Variants in TLN2 observed in about 807,000 individuals in gnomAD.
TLN2 encodes the protein talin 2.
Under a neutral mutation model 294.7 loss-of-function variants are expected in TLN2, and 118 were observed. The ratio of observed to expected loss-of-function variants is 0.40; its 90% confidence interval spans 0.34 to 0.47. The LOEUF (loss-of-function observed/expected upper bound fraction) is 0.47, where lower values mean the gene tolerates loss of function less well. Among genes scored for constraint, TLN2 ranks in the 20% least tolerant of loss-of-function variants. TLN2 has a pLI of 0.84. For missense variants in TLN2, 3,083 were observed against 3,282.2 expected (o/e 0.94, Z 1.48); for synonymous variants, 1,431 against 1,304.5 (o/e 1.10, Z -2.09).
intron 3 of TLN2, among the ~76,000 whole-genome samples, chr15:62,622,500 C>T (rs1026065692): frequency 3.9e-5 from 6 of 152,058 alleles, no homozygotes; most frequent in Admixed American, 3.9e-4. Context: ...AAGCACTTGC[C>T]CCTTGATAAT....
At chr15:62,572,366 G>T (rs1167254737) in intron 1 of TLN2, among the ~76,000 whole-genome samples, 1 of 151,948 alleles carries the variant, frequency 6.6e-6, no homozygotes, top group African/African-American at 2.4e-5. Flanking sequence ...TCAGCCTCCT[G>T]AGTAGCTGGG....
intron 2 of TLN2, among the ~76,000 whole-genome samples, chr15:62,598,673 A>G (rs1488023331): frequency 6.6e-6 from 1 of 151,468 alleles, no homozygotes; most frequent in African/African-American, 2.4e-5. Context: ...ATATTTTTGT[A>G]GTTATTTTGG....
chr15:62,475,530 C>G (rs1476236887), intron 1 of TLN2, among the ~76,000 whole-genome samples: 2 of 152,156 alleles, frequency 1.3e-5, no homozygotes, highest in Non-Finnish European at 2.9e-5. Flanking sequence ...TTTGTGGTCT[C>G]CAAGCATTTC....
chr15:62,507,842 G>A (rs1369745747), intron 1 of TLN2, among the ~76,000 whole-genome samples: 3 of 152,230 alleles, frequency 2.0e-5, no homozygotes, highest in African/African-American at 7.2e-5. Flanking sequence ...TGAGGAAGAT[G>A]TATGGGACTC....
chr15:62,526,639 G>C (rs2040756483), intron 1 of TLN2, among the ~76,000 whole-genome samples: 5 of 152,132 alleles, frequency 3.3e-5, no homozygotes, highest in Admixed American at 3.3e-4. Flanking sequence ...AATCTTAAAG[G>C]TGCTCTACTT....
chr15:62,674,073 C>T (rs1346582742), intron 10 of TLN2, among the ~76,000 whole-genome samples, 183 bp downstream of exon 10: 1 of 152,094 alleles, frequency 6.6e-6, no homozygotes, highest in Non-Finnish European at 1.5e-5. Context: ...TATCTTAATC[C>T]ATATTTTCTT....
At chr15:62,724,848 C>A in intron 26 of TLN2, 128 bp from the exon 27 acceptor site, 1 of 1,224,172 alleles carries the variant, frequency 8.2e-7, no homozygotes. Context: ...TACTTGCTTT[C>A]CTTGCTCCTC....
intron 1 of TLN2, among the ~76,000 whole-genome samples, chr15:62,413,393 C>G (rs1215041797): frequency 6.6e-6 from 1 of 152,170 alleles, no homozygotes; most frequent in Non-Finnish European, 1.5e-5. Flanking sequence ...GCCCCCACCC[C>G]CAAGCTAACA....
chr15:62,709,509 T>C (rs947879627), intron 21 of TLN2, among the ~76,000 whole-genome samples: 20 of 152,146 alleles, frequency 1.3e-4, no homozygotes, highest in Non-Finnish European at 7.4e-5. Flanking sequence ...AGTCTCTAAA[T>C]TGGCCAGCCC....
intron 32 of TLN2, among the ~76,000 whole-genome samples, chr15:62,743,964 C>T (rs1009413302): frequency 6.6e-6 from 1 of 152,126 alleles, no homozygotes; most frequent in Admixed American, 6.6e-5. Context: ...TCCTCCTGTC[C>T]CCAAAGACTG....
rs1192680148 is a variant in TLN2 at position 62,739,505 on chromosome 15, A to C, written c.3845A>C (p.Glu1282Ala). The stretch of plus-strand genomic sequence containing the variant: ...GGAAAGTTCAGTGATGATTTTGATG[A>C]ATTCCTCGATGCTGGCATTGAGATG... ...ASGKFSDDFD[E>A]FLDAGIEMAG... Residue 1282 changes from glutamate to alanine, a missense_variant, in exon 31 of 59, where the codon GAA becomes GCA. Coordinates refer to ENST00000636159, the MANE Select transcript of TLN2 (RefSeq NM_015059.3). 6.2e-7 allele frequency: 1 copy of C among 1,614,168 alleles called. No homozygotes were observed. Among genetic ancestry groups the C allele is most frequent in the East Asian group, 2.2e-5 (1 of 44,884 alleles).
intron 1 of TLN2, among the ~76,000 whole-genome samples, chr15:62,566,954 C>T (rs1048861400): frequency 1.3e-5 from 2 of 151,998 alleles, no homozygotes; most frequent in African/African-American, 2.4e-5. Context: ...AGCAAAATAC[C>T]CATAGCCCCC....
chr15:62,643,052 A>G (rs1249811681), intron 3 of TLN2, among the ~76,000 whole-genome samples: 1 of 152,164 alleles, frequency 6.6e-6, no homozygotes, highest in African/African-American at 2.4e-5. Flanking sequence ...CTTGATTCCA[A>G]CAAGTGTCCT....
intron 1 of TLN2, among the ~76,000 whole-genome samples, chr15:62,545,357 A>T (rs780380116): frequency 6.6e-6 from 1 of 152,226 alleles, no homozygotes; most frequent in African/African-American, 2.4e-5. Flanking sequence ...AACAACACAA[A>T]AAGTCCACAT....
At chr15:62,684,761 G>A (rs980655062) in intron 11 of TLN2, among the ~76,000 whole-genome samples, 3 of 151,712 alleles carry the variant, frequency 2.0e-5, no homozygotes, top group Admixed American at 2.0e-4. Flanking sequence ...TTCAAATTAT[G>A]GCTTTACCAC....
At chr15:62,694,004 A>C (rs1200705964) in intron 13 of TLN2, among the ~76,000 whole-genome samples, 1 of 127,242 alleles carries the variant, frequency 7.9e-6, no homozygotes, top group African/African-American at 3.2e-5. Flanking sequence ...AGTCTCCCTC[A>C]GTCGCCCAGG....
At chr15:62,658,008 G>A (rs1020230536) in intron 9 of TLN2, 110 bp downstream of exon 9, 16 of 1,091,026 alleles carry the variant, frequency 1.5e-5, no homozygotes, top group Non-Finnish European at 5.2e-6. Context: ...TCAATCATTT[G>A]TGAGAATGCT....
intron 1 of TLN2, among the ~76,000 whole-genome samples, chr15:62,457,399 C>T (rs950443832): frequency 2.6e-5 from 4 of 152,192 alleles, no homozygotes; most frequent in African/African-American, 9.7e-5. Flanking sequence ...CACCATCCCC[C>T]TTGGGTTTAG....
intron 48 of TLN2, 100 bp downstream of exon 48, chr15:62,797,502 T>G: frequency 2.9e-6 from 4 of 1,369,722 alleles, no homozygotes; most frequent in Non-Finnish European, 3.9e-6. Context: ...ACTTTTGAAG[T>G]AGACAATGTG....
Sources: allele counts gnomAD v4.1 joint callset (sites outside exome capture counted in the v4.1 genomes callset), GRCh38; gene constraint gnomAD v4.1.1; transcripts MANE v1.5; gene names NCBI Gene and HGNC (gene_info 2026-07-23, HGNC 2026-07-21).